The following WDR72 variants were observed in gnomAD, a reference collection of about 807,000 sequenced individuals.
WDR72 encodes WD repeat domain 72.
In WDR72, 120 loss-of-function variants were observed where a neutral mutation model predicts 124.2. The observed-to-expected ratio is 0.97, with a 90% CI of 0.83 to 1.12. The LOEUF (loss-of-function observed/expected upper bound fraction) is 1.12. Ranked by LOEUF, WDR72 falls within the 50% of genes most tolerant of loss-of-function variation. The pLI is 0.00. For missense variants in WDR72, 1,387 were observed against 1,278.8 expected (o/e 1.08, Z -1.29); for synonymous variants, 452 against 441.7 (o/e 1.02, Z -0.29).
chr15:53,522,702 G>A (rs1158991652), intron 19 of WDR72, among the ~76,000 whole-genome samples: 3 of 151,884 alleles, frequency 2.0e-5, no homozygotes, highest in Non-Finnish European at 2.9e-5. Context: ...TGAGAGAAGG[G>A]TTACTATTTT....
At chr15:53,734,549 A>G (rs916997445) in intron 1 of WDR72, among the ~76,000 whole-genome samples, 1 of 152,182 alleles carries the variant, frequency 6.6e-6, no homozygotes, top group Non-Finnish European at 1.5e-5. Flanking sequence ...CTTATCAATA[A>G]GTCTGGAAAA....
rs1396349553 is a variant in WDR72, at chr15:53,514,520, C to T, written c.*3179G>A. The T allele has an allele frequency of 6.6e-6, 1 of 151,980 alleles. No individual in the cohort carries two copies. Among genetic ancestry groups the T allele is most frequent in the Non-Finnish European group, 1.5e-5 (1 of 67,992 alleles). 9.4% of individuals were successfully genotyped at this position (151,980 alleles called of 1,614,324 possible). On this transcript the variant is annotated 3_prime_UTR_variant, in exon 20 of 20. Transcript: ENST00000360509. Reference sequence around the variant, plus strand: ...ATGAAAGGATTTTAAAAATACAGAACACTGGAAAAAATGTATGAGAAAAGA... The same window carrying T: ...ATGAAAGGATTTTAAAAATACAGAATACTGGAAAAAATGTATGAGAAAAGA...
intron 18 of WDR72, among the ~76,000 whole-genome samples, chr15:53,542,977 C>T (rs900597213): frequency 1.5e-4 from 23 of 152,114 alleles, no homozygotes; most frequent in African/African-American, 5.3e-4. Flanking sequence ...AACACAGGAG[C>T]ACCCAGATTC....
At chr15:53,729,812 A>AAATG (rs1375632034) in intron 2 of WDR72, among the ~76,000 whole-genome samples, 1 of 152,044 alleles carries the variant, frequency 6.6e-6, no homozygotes, top group African/African-American at 2.4e-5. Flanking sequence ...AAAAAAAAAT[A>AAATG]AAGTAACTAG....
At chr15:53,710,711 ATAAT>A in intron 9 of WDR72, 142 bp downstream of exon 9, 1 of 705,044 alleles carries the variant, frequency 1.4e-6, no homozygotes, top group Admixed American at 2.1e-5. Flanking sequence ...GTAGCCATTG[ATAAT>A]TAAACTTGAT....
intron 13 of WDR72, among the ~76,000 whole-genome samples, chr15:53,692,103 G>A (rs1325844177): frequency 2.0e-5 from 3 of 152,162 alleles, no homozygotes; most frequent in Admixed American, 2.0e-4. Flanking sequence ...GAGGTGAAGT[G>A]CACTGTGCTA....
At chr15:53,682,909 T>C (rs1309858267) in intron 13 of WDR72, among the ~76,000 whole-genome samples, 1 of 152,100 alleles carries the variant, frequency 6.6e-6, no homozygotes, top group African/African-American at 2.4e-5. Flanking sequence ...GACTGGACAA[T>C]CTATGGAAGA....
intron 18 of WDR72, among the ~76,000 whole-genome samples, chr15:53,579,340 T>C (rs1335401708): frequency 1.3e-5 from 2 of 152,094 alleles, no homozygotes; most frequent in Non-Finnish European, 2.9e-5. Context: ...GTTGCTGGAA[T>C]AAAACGGAAA....
At chr15:53,533,697 G>A (rs1892605523) in intron 18 of WDR72, among the ~76,000 whole-genome samples, 1 of 152,102 alleles carries the variant, frequency 6.6e-6, no homozygotes, top group South Asian at 2.1e-4. Context: ...ATAGTTAGAG[G>A]AGACTGCTCA....
intron 16 of WDR72, among the ~76,000 whole-genome samples, chr15:53,612,893 A>T (rs1473212660): frequency 1.3e-5 from 2 of 151,592 alleles, no homozygotes; most frequent in Non-Finnish European, 2.9e-5. Flanking sequence ...GAACGCTCAC[A>T]GGGGTGAGGG....
chr15:53,758,952 T>A (rs1397773578), intron 1 of WDR72, among the ~76,000 whole-genome samples: 1 of 152,084 alleles, frequency 6.6e-6, no homozygotes, highest in Non-Finnish European at 1.5e-5. Context: ...TTTTCCAGAT[T>A]TTGTCAGCAC....
At chr15:53,746,354 C>T (rs1356624638) in intron 1 of WDR72, among the ~76,000 whole-genome samples, 1 of 152,178 alleles carries the variant, frequency 6.6e-6, no homozygotes, top group Non-Finnish European at 1.5e-5. Flanking sequence ...GACACTGAGT[C>T]TGCTTTACCA....
At chr15:53,743,020 C>A (rs2018549344) in intron 1 of WDR72, among the ~76,000 whole-genome samples, 1 of 152,108 alleles carries the variant, frequency 6.6e-6, no homozygotes, top group Admixed American at 6.5e-5. Flanking sequence ...TACTCAGATA[C>A]CACACTGGAT....
At chr15:53,536,546 G>C (rs1178479344) in intron 18 of WDR72, among the ~76,000 whole-genome samples, 1 of 152,108 alleles carries the variant, frequency 6.6e-6, no homozygotes, top group Non-Finnish European at 1.5e-5. Flanking sequence ...CTATAAGAGA[G>C]CTTGGGGAAA....
intron 14 of WDR72, among the ~76,000 whole-genome samples, chr15:53,656,740 A>C (rs2015432759): frequency 2.0e-5 from 3 of 152,182 alleles, no homozygotes; most frequent in Non-Finnish European, 4.4e-5. Flanking sequence ...AATACCATCC[A>C]GTGCATTAGT....
Position 53,514,374 on chromosome 15 carries a change from C to T in WDR72, c.*3325G>A, listed in dbSNP as rs74015387. ...TAAAATCAGTTGGAATTAATGTAACCTGAACTTTCATTTTAAATACATGGC... is the reference window on the plus strand; with the variant it reads ...TAAAATCAGTTGGAATTAATGTAACTTGAACTTTCATTTTAAATACATGGC... On this transcript the variant is annotated 3_prime_UTR_variant, in exon 20 of 20. Transcript: ENST00000360509. The T allele has an allele frequency of 7.0e-3, 1,061 of 152,132 alleles. 12 individuals carry two copies. The highest frequency in any genetic ancestry group is 0.025 in the African/African-American group (1,032 of 41,508). The allele number at this position is 152,132 out of a possible 1,614,324, so 9.4% of individuals were successfully genotyped here.
At chr15:53,527,420 C>A (rs971513480) in intron 18 of WDR72, among the ~76,000 whole-genome samples, 1 of 151,436 alleles carries the variant, frequency 6.6e-6, no homozygotes, top group African/African-American at 2.4e-5. Flanking sequence ...AAGAGAGTGG[C>A]CACTGGAAAA....
intron 18 of WDR72, among the ~76,000 whole-genome samples, chr15:53,539,699 GAGAA>G (rs1321481213): frequency 2.0e-5 from 3 of 150,804 alleles, no homozygotes; most frequent in Non-Finnish European, 4.4e-5. Context: ...GAAAGTGAGA[GAGAA>G]AGAGAGATTT....
intron 12 of WDR72, 53 bp from the exon 13 acceptor site, chr15:53,699,998 G>T: frequency 6.2e-7 from 1 of 1,606,114 alleles, no homozygotes; most frequent in South Asian, 1.1e-5. Context: ...CTTTCTTTAT[G>T]AGTAAGTCAG....
Sources: allele counts gnomAD v4.1 joint callset (sites outside exome capture counted in the v4.1 genomes callset), GRCh38; gene constraint gnomAD v4.1.1; transcripts MANE v1.5; gene names NCBI Gene and HGNC (gene_info 2026-07-23, HGNC 2026-07-21).